Variants in CREB5 observed in about 807,000 individuals in gnomAD.
CREB5 encodes cyclic AMP-responsive element-binding protein 5.
A neutral mutation model predicts 57.1 loss-of-function variants in CREB5; 19 were observed. The observed-to-expected ratio is 0.33, with a 90% confidence interval of 0.23 to 0.49. CREB5 has a LOEUF of 0.49. Among genes scored for constraint, CREB5 ranks in the 20% least tolerant of loss-of-function variants. The pLI is 0.99. For synonymous variants in CREB5, 238 were observed against 238.3 expected, an observed-to-expected ratio of 1.00 and a Z score of 0.01; for missense variants, 579 against 671.6, an observed-to-expected ratio of 0.86 and a Z score of 1.52.
At chr7:28,447,863 G>A (rs183460056) in intron 1 of CREB5, among the ~76,000 whole-genome samples, 298 of 152,102 alleles carry the variant, frequency 2.0e-3, no homozygotes, top group Admixed American at 3.1e-3. Flanking sequence ...TATTAAGATC[G>A]AAATCCACTA....
chr7:28,340,982 C>T (rs1785924567), intron 1 of CREB5, among the ~76,000 whole-genome samples: 1 of 152,126 alleles, frequency 6.6e-6, no homozygotes, highest in Non-Finnish European at 1.5e-5. Flanking sequence ...CTCTGTGCCA[C>T]ATGGCTACTG....
At chr7:28,721,799 A>G (rs1217333065) in intron 6 of CREB5, among the ~76,000 whole-genome samples, 1 of 152,208 alleles carries the variant, frequency 6.6e-6, no homozygotes, top group Non-Finnish European at 1.5e-5. Flanking sequence ...CTTATCTTGA[A>G]ATTCAAATGC....
At chr7:28,554,352 T>A (rs1794780373) in intron 4 of CREB5, among the ~76,000 whole-genome samples, 1 of 152,222 alleles carries the variant, frequency 6.6e-6, no homozygotes, top group African/African-American at 2.4e-5. Context: ...GTGCAGGTAC[T>A]GACAAGTTTC....
intron 7 of CREB5, among the ~76,000 whole-genome samples, chr7:28,764,866 T>C (rs1805877429): frequency 6.6e-6 from 1 of 152,228 alleles, no homozygotes; most frequent in South Asian, 2.1e-4. Flanking sequence ...GAAGGGTCAC[T>C]TTCACTTTGT....
intron 5 of CREB5, among the ~76,000 whole-genome samples, chr7:28,654,310 G>C (rs1799251876): frequency 1.3e-5 from 2 of 152,194 alleles, no homozygotes; most frequent in South Asian, 4.1e-4. Context: ...GAACAGCTGG[G>C]CTCCTAACTG....
chr7:28,635,747 C>A (rs1219326862), intron 5 of CREB5, among the ~76,000 whole-genome samples: 1 of 152,150 alleles, frequency 6.6e-6, no homozygotes, highest in Non-Finnish European at 1.5e-5. Flanking sequence ...CTTTGTTGAC[C>A]TTTTCATTCA....
intron 4 of CREB5, among the ~76,000 whole-genome samples, chr7:28,563,620 G>A (rs1795364485): frequency 6.6e-6 from 1 of 152,096 alleles, no homozygotes; most frequent in Non-Finnish European, 1.5e-5. Flanking sequence ...CAACCTCCTG[G>A]GCTCAAGTGA....
At chr7:28,797,660 A>G (rs1808126299) in intron 7 of CREB5, among the ~76,000 whole-genome samples, 1 of 152,230 alleles carries the variant, frequency 6.6e-6, no homozygotes, top group African/African-American at 2.4e-5. Context: ...AATCCCATGC[A>G]CAGCACGGAA....
intron 1 of CREB5, among the ~76,000 whole-genome samples, chr7:28,327,863 G>T (rs1247007406): frequency 2.6e-5 from 4 of 152,168 alleles, no homozygotes; most frequent in African/African-American, 7.2e-5. Flanking sequence ...GCTTCTTCAA[G>T]ACTCAATTTG....
At chr7:28,693,633 T>C (rs549212011) in intron 5 of CREB5, among the ~76,000 whole-genome samples, 9 of 152,346 alleles carry the variant, frequency 5.9e-5, no homozygotes, top group African/African-American at 1.7e-4. Context: ...GTGGATTGTT[T>C]TGGAGTCAGA....
intron 1 of CREB5, among the ~76,000 whole-genome samples, chr7:28,468,521 G>T (rs1790681587): frequency 6.6e-6 from 1 of 152,222 alleles, no homozygotes; most frequent in South Asian, 2.1e-4. Context: ...CAAGGATCAT[G>T]GGCAATGGGT....
rs1308050615 is a variant in CREB5, at chr7:28,560,923, C to CGTGT, written c.292-9441_292-9440insTGTG. Among the ~76,000 whole-genome samples, 18 of 19,848 alleles carry CGTGT rather than the reference C, an allele frequency of 9.1e-4. No individual in the cohort carries two copies. In the South Asian group the frequency reaches 0.011, roughly 13 times the overall value. The allele number at this position is 19,848 out of a possible 152,430, so 13.0% of individuals were successfully genotyped here. A position where few individuals can be genotyped will look rare whatever the true frequency, so the allele number is the denominator to read the frequency against. ...GTGCGCGCGTGCGTGTGCGTGTGTG[C>CGTGT]GCGTGCGTGTGTGCGTGCGTGTGTG... On this transcript the variant is annotated intron_variant, in intron 4 of 10. Transcript: ENST00000357727.
intron 4 of CREB5, among the ~76,000 whole-genome samples, chr7:28,522,390 G>GTTTTTTTTTTTTT (rs11291433): frequency 4.1e-5 from 4 of 97,606 alleles, no homozygotes; most frequent in Admixed American, 1.2e-4. Context: ...CCTGCTCTTT[G>GTTTTTTTTTTTTT]TTTTTTTTTT....
chr7:28,347,963 G>A (rs1458331604), intron 1 of CREB5, among the ~76,000 whole-genome samples: 1 of 152,112 alleles, frequency 6.6e-6, no homozygotes, highest in Admixed American at 6.5e-5. Flanking sequence ...TTCCAAACAA[G>A]CCACCTGGTT....
chr7:28,684,938 T>C (rs566343184), intron 5 of CREB5, among the ~76,000 whole-genome samples: 24 of 152,238 alleles, frequency 1.6e-4, no homozygotes, highest in African/African-American at 5.8e-4. Flanking sequence ...GTCATTGTCG[T>C]GGTGGAGCCC....
chr7:28,640,919 G>A (rs746171440), intron 5 of CREB5, among the ~76,000 whole-genome samples: 13 of 152,142 alleles, frequency 8.5e-5, no homozygotes, highest in Middle Eastern at 6.3e-3. Context: ...GAGAGCCAGT[G>A]CTTTAAAATT....
At chr7:28,586,076 C>T (rs1796295535) in intron 5 of CREB5, among the ~76,000 whole-genome samples, 1 of 152,196 alleles carries the variant, frequency 6.6e-6, no homozygotes, top group Non-Finnish European at 1.5e-5. Flanking sequence ...ATCACTATGT[C>T]ATCTTGATTC....
chr7:28,484,504 A>C (rs1367203522), intron 1 of CREB5, among the ~76,000 whole-genome samples: 1 of 152,200 alleles, frequency 6.6e-6, no homozygotes, highest in East Asian at 1.9e-4. Flanking sequence ...ATCAGAATAA[A>C]GCAGTTGAAG....
At chr7:28,804,675 C>A (rs1562653159) in intron 8 of CREB5, among the ~76,000 whole-genome samples, 153 bp downstream of exon 8, 1 of 152,210 alleles carries the variant, frequency 6.6e-6, no homozygotes, top group Non-Finnish European at 1.5e-5. Flanking sequence ...GGAGGCAAGC[C>A]TTACCCATAA....
Sources: gnomAD v4.1 joint callset for allele counts (sites outside exome capture counted in the v4.1 genomes callset) on GRCh38, gnomAD v4.1.1 for gene constraint, MANE v1.5 for transcripts, NCBI Gene and HGNC (gene_info 2026-07-23, HGNC 2026-07-21) for gene names.